EVI5: variants seen among roughly 807,000 people sequenced by gnomAD.
The protein encoded by EVI5 is ecotropic viral integration site 5 protein homolog.
EVI5 carries 73 observed loss-of-function variants against 112.0 expected under a neutral mutation model. The ratio of observed to expected loss-of-function variants is 0.65; its 90% CI spans 0.54 to 0.79. EVI5 has a LOEUF of 0.79. Ranked by LOEUF, EVI5 falls within the 30% of genes least tolerant of loss-of-function variation. The pLI, the probability that EVI5 is intolerant of heterozygous loss-of-function variation, is 0.00. For synonymous variants in EVI5, 305 were observed against 319.9 expected, an observed-to-expected ratio of 0.95 and a Z score of 0.50; for missense variants, 900 against 968.8, an observed-to-expected ratio of 0.93 and a Z score of 0.94.
Position 92,527,012 on chromosome 1 carries a change from C to T in EVI5, c.2167-13042G>A, listed in dbSNP as rs371119591. On this transcript the variant is annotated intron_variant, in intron 19 of 19. Coordinates refer to ENST00000684568, the MANE Select transcript of EVI5 (RefSeq NM_001350197.2). ...TTAATTATTCTGTAACTCTGACTGT[C>T]CCCCAAGATGAAGTCTACTGATTAA... Among the ~76,000 whole-genome samples, 24 of 152,268 alleles carry T rather than the reference C, an allele frequency of 1.6e-4. 1 individual carries two copies. The South Asian group carries it at 4.8e-3, about 30-fold the overall frequency.
At chr1:92,551,618 G>A (rs1349644448) in intron 19 of EVI5, among the ~76,000 whole-genome samples, 2 of 152,230 alleles carry the variant, frequency 1.3e-5, no homozygotes, top group Non-Finnish European at 2.9e-5. Flanking sequence ...CTACAGTCAT[G>A]CTAAAAGTTT....
At position 92,673,185 on chromosome 1, in the gene EVI5, C is replaced by CTTTTTTTTTTTTT. The variant is rs35702596; in HGVS notation, c.1158+3960_1158+3972dup. 3.7e-4 allele frequency among the ~76,000 whole-genome samples: 46 copies of CTTTTTTTTTTTTT among 123,502 alleles called. 1 individual carries two copies. Among genetic ancestry groups the CTTTTTTTTTTTTT allele is most frequent in the Non-Finnish European group, 4.4e-4 (27 of 61,462 alleles). The allele number at this position is 123,502 out of a possible 152,430, so 81.0% of individuals were successfully genotyped here. A position where few individuals can be genotyped will look rare whatever the true frequency, so the allele number is the denominator to read the frequency against. ...CCTGGGCAACTTAGATAACACTTCT[C>CTTTTTTTTTTTTT]TTTTTTTTTTTTTTTTTCATTTTTA... is the stretch of plus-strand genomic sequence containing the variant. On this transcript the variant is annotated intron_variant, in intron 10 of 19. Transcript: ENST00000684568.
At position 92,584,157 on chromosome 1, in the gene EVI5, G is replaced by A. The variant is rs930052514; in HGVS notation, c.2071-20420C>T. On this transcript the variant is annotated intron_variant, in intron 18 of 19. Coordinates refer to ENST00000684568, the MANE Select transcript of EVI5 (RefSeq NM_001350197.2). ...TGAAAAATCTAACAAAAAGAGACAC[G>A]GTGGTACATAAAGATATATTCAAGT... Among the ~76,000 whole-genome samples, 6 of 152,114 alleles carry A rather than the reference G, an allele frequency of 3.9e-5. 1 individual carries two copies. The highest frequency in any genetic ancestry group is 3.3e-4 in the Admixed American group (5 of 15,276).
intron 1 of EVI5, among the ~76,000 whole-genome samples, chr1:92,762,613 T>C (rs1243560747): frequency 2.0e-5 from 3 of 152,198 alleles, no homozygotes; most frequent in Non-Finnish European, 4.4e-5. Flanking sequence ...GAGGATTTTA[T>C]TGCCTGCCTA....
At chr1:92,769,884 T>C (rs891544994) in intron 1 of EVI5, among the ~76,000 whole-genome samples, 1 of 151,898 alleles carries the variant, frequency 6.6e-6, no homozygotes, top group East Asian at 1.9e-4. Flanking sequence ...GAGACTCCCA[T>C]CTCAACAACA....
chr1:92,635,954 G>T (rs1051735774), intron 14 of EVI5, among the ~76,000 whole-genome samples: 1 of 152,032 alleles, frequency 6.6e-6, no homozygotes, highest in Non-Finnish European at 1.5e-5. Flanking sequence ...AATTATTCTG[G>T]TCGTTTTCCT....
In EVI5 at chr1:92,546,241, T is replaced by G. The variant is rs182751881; in HGVS notation, c.2166+17401A>C. On this transcript the variant is annotated intron_variant, in intron 19 of 19. Coordinates refer to ENST00000684568, the MANE Select transcript of EVI5 (RefSeq NM_001350197.2). ...TGATTAAATGGATATACGAAGTGAA[T>G]TGGCATCCTAAGGTCACCCAGCTAA... 4.6e-5 allele frequency among the ~76,000 whole-genome samples: 7 copies of G among 152,292 alleles called. No individual in the cohort carries two copies. In the South Asian group the frequency reaches 8.3e-4, roughly 18 times the overall value.
In EVI5 at chr1:92,513,794, C is replaced by A; in HGVS notation, c.2343G>T (p.Ser781=). 1 of 1,613,472 alleles carries A rather than the reference C, an allele frequency of 6.2e-7. No homozygotes were observed. Among genetic ancestry groups the A allele is most frequent in the Non-Finnish European group, 8.5e-7 (1 of 1,179,856 alleles). The change falls in exon 20 of 20, where the codon TCG becomes TCT. Residue 781 remains serine, a synonymous_variant. Transcript: ENST00000684568. ...VGFPLHGKSG[S]MSLDPAVADG... ...CTGCCACTGCGGGGTCCAAAGACAT[C>A]GAACCAGATTTTCCGTGCAAAGGAA...
At chr1:92,681,963 G>A (rs1667660031) in intron 9 of EVI5, among the ~76,000 whole-genome samples, 1 of 152,084 alleles carries the variant, frequency 6.6e-6, no homozygotes, top group Non-Finnish European at 1.5e-5. Context: ...TGCTACTACA[G>A]TCCCATTGGT....
intron 18 of EVI5, among the ~76,000 whole-genome samples, chr1:92,602,639 T>C (rs1055725858): frequency 1.1e-4 from 17 of 152,276 alleles, no homozygotes; most frequent in African/African-American, 4.1e-4. Flanking sequence ...ACTCCTGGCC[T>C]CCAGCAATCC....
intron 13 of EVI5, among the ~76,000 whole-genome samples, chr1:92,661,217 C>A (rs969750416): frequency 2.0e-5 from 3 of 151,900 alleles, no homozygotes; most frequent in African/African-American, 7.2e-5. Flanking sequence ...AATTTAAAAC[C>A]CTTATTCTGA....
upstream of EVI5, chr1:92,785,240 G>A (rs1331056071): frequency 5.7e-5 from 18 of 318,522 alleles, no homozygotes; most frequent in Non-Finnish European, 7.3e-5. Flanking sequence ...GTGCAGAGGA[G>A]GCGGGGAAAT....
At chr1:92,629,505 C>T (rs1296308935) in intron 14 of EVI5, among the ~76,000 whole-genome samples, 1 of 152,152 alleles carries the variant, frequency 6.6e-6, no homozygotes, top group Non-Finnish European at 1.5e-5. Context: ...CTTCTACTCC[C>T]ATTACTTATC....
chr1:92,580,420 T>C (rs17380378), intron 18 of EVI5: 10,614 of 152,522 alleles, frequency 0.07, 483 homozygotes, highest in Non-Finnish European at 0.1. Context: ...CAATCAATGA[T>C]AGTTAAAGTA....
chr1:92,718,071 T>TA (rs1410095514), intron 2 of EVI5, among the ~76,000 whole-genome samples: 3 of 152,158 alleles, frequency 2.0e-5, no homozygotes, highest in African/African-American at 7.2e-5. Context: ...TACAGAGACT[T>TA]AGACTCCCAC....
intron 14 of EVI5, among the ~76,000 whole-genome samples, chr1:92,627,760 C>T (rs1330643964): frequency 6.6e-6 from 1 of 151,400 alleles, no homozygotes; most frequent in Non-Finnish European, 1.5e-5. Flanking sequence ...TTTTGATTTG[C>T]ATTTCCCTGA....
intron 1 of EVI5, among the ~76,000 whole-genome samples, chr1:92,771,043 T>C (rs1424805791): frequency 6.6e-6 from 1 of 151,812 alleles, no homozygotes; most frequent in Non-Finnish European, 1.5e-5. Flanking sequence ...CTTGAACTCC[T>C]GACCTCAGGT....
chr1:92,545,529 G>A (rs1665542056), intron 19 of EVI5, among the ~76,000 whole-genome samples: 1 of 152,096 alleles, frequency 6.6e-6, no homozygotes, highest in African/African-American at 2.4e-5. Flanking sequence ...GAAGCATGAT[G>A]TATTGGGTAG....
chr1:92,675,374 G>GA (rs1277556210), intron 10 of EVI5, among the ~76,000 whole-genome samples: 27 of 152,160 alleles, frequency 1.8e-4, no homozygotes, highest in African/African-American at 6.0e-4. Flanking sequence ...AGGTATAGGT[G>GA]AAAGTCTGCT....
Sources: allele counts gnomAD v4.1 joint callset (sites outside exome capture counted in the v4.1 genomes callset), GRCh38; gene constraint gnomAD v4.1.1; transcripts MANE v1.5; gene names NCBI Gene and HGNC (gene_info 2026-07-23, HGNC 2026-07-21).